The following CNGB1 variants were observed in gnomAD, a reference collection of about 807,000 sequenced individuals.
The protein encoded by CNGB1 is cyclic nucleotide-gated channel beta-1.
A neutral mutation model predicts 151.7 loss-of-function variants in CNGB1; 126 were observed. The ratio of observed to expected loss-of-function variants is 0.83; its 90% CI spans 0.72 to 0.96. CNGB1 has a LOEUF of 0.96. Among genes scored for constraint, CNGB1 ranks in the 40% least tolerant of loss-of-function variants. The pLI, the probability that CNGB1 is intolerant of heterozygous loss-of-function variation, is 0.00. For missense variants in CNGB1, 1,698 were observed against 1,627.0 expected (o/e 1.04, Z -0.75); for synonymous variants, 623 against 635.1 (o/e 0.98, Z 0.29).
chr16:57,958,573 A>G, intron 10 of CNGB1, 88 bp from the exon 11 acceptor site: 1 of 1,221,852 alleles, frequency 8.2e-7, no homozygotes, highest in Non-Finnish European at 1.2e-6. Context: ...AAGGCAGAAA[A>G]CAAGCCTGCC....
rs1322670171 is a variant in CNGB1, at chr16:57,967,502, T to A, written c.-8-208A>T. On this transcript the variant is annotated intron_variant, in intron 1 of 32. Coordinates refer to ENST00000251102, the MANE Select transcript of CNGB1 (RefSeq NM_001297.5). ...TGAATCCAGGAGTTTGAGATCAGCC[T>A]GGGCAAGACAGCGAGACCCTCGTCT... 6.9e-6 allele frequency: 4 copies of A among 576,024 alleles called. No homozygotes were observed. The East Asian group carries it at 1.2e-4, about 17-fold the overall frequency. The allele number at this position is 576,024 out of a possible 1,614,324, so 35.7% of individuals were successfully genotyped here.
Position 57,923,050 on chromosome 16 carries a change from G to A in CNGB1, c.1643+223C>T, listed in dbSNP as rs140493564. On this transcript the variant is annotated intron_variant, in intron 18 of 32. Transcript: ENST00000251102. ...CCTCCCTCTCTGAGCACTGCTGGCC[G>A]TGGACACAGCTGGGCCCAGAGGTTG... 1,553 of 429,038 alleles carry A rather than the reference G, an allele frequency of 3.6e-3. 28 individuals are homozygous for A. The highest frequency in any genetic ancestry group is 0.026 in the African/African-American group (1,304 of 49,318). The allele number at this position is 429,038 out of a possible 1,614,324, so 26.6% of individuals were successfully genotyped here.
At position 57,897,397 on chromosome 16, in the gene CNGB1, C is replaced by G; in HGVS notation, c.3242G>C (p.Arg1081Thr). 1 of 1,613,990 alleles carries G rather than the reference C, an allele frequency of 6.2e-7. No homozygotes were observed. The highest frequency in any genetic ancestry group is 8.5e-7 in the Non-Finnish European group (1 of 1,179,960). Residue 1081 changes from arginine (R) to threonine (T), a missense_variant and splice_region_variant, in exon 31 of 33, where the codon AGG becomes ACG. Transcript: ENST00000251102. ...ATTAAACGAAAGAAAAGTTACATACCTGGCTTTCTTCCGGAGTAACTTCTG... is the reference window on the plus strand; with the variant it reads ...ATTAAACGAAAGAAAAGTTACATACGTGGCTTTCTTCCGGAGTAACTTCTG... ...ESQKLLRKKA[R>T]RMLRSNNKPK...
intron 31 of CNGB1, among the ~76,000 whole-genome samples, chr16:57,889,293 G>A (rs1960023310): frequency 1.3e-5 from 2 of 152,232 alleles, no homozygotes; most frequent in Admixed American, 1.3e-4. Context: ...ACGAGCCACA[G>A]TGCCTGGCCT....
chr16:57,926,737 T>C lies in CNGB1; in HGVS notation c.1536-3357A>G, dbSNP rs146315522. 3.4e-4 allele frequency among the ~76,000 whole-genome samples: 52 copies of C among 152,246 alleles called. No individual in the cohort carries two copies. In the East Asian group the frequency reaches 9.7e-3, roughly 28 times the overall value. ...GCTTACACCCGTAATCCCAACACTT[T>C]GGGAGGCTGAGGCGGGCAGATCACT... On this transcript the variant is annotated intron_variant, in intron 17 of 32. Transcript: ENST00000251102.
intron 11 of CNGB1, among the ~76,000 whole-genome samples, chr16:57,957,766 G>C (rs1031158933): frequency 6.6e-6 from 1 of 152,216 alleles, no homozygotes; most frequent in Non-Finnish European, 1.5e-5. Context: ...CTGGGTATGA[G>C]AATGCAGGTA....
chr16:57,931,063 C>CA, intron 17 of CNGB1, among the ~76,000 whole-genome samples: 2 of 150,644 alleles, frequency 1.3e-5, no homozygotes, highest in East Asian at 3.9e-4. Flanking sequence ...AGCATCCTAT[C>CA]AAAAATGAAA....
intron 20 of CNGB1, among the ~76,000 whole-genome samples, chr16:57,917,951 T>C (rs1960922318): frequency 6.6e-6 from 1 of 152,046 alleles, no homozygotes; most frequent in South Asian, 2.1e-4. Flanking sequence ...TTTAATTTTT[T>C]CCCAAAATGT....
chr16:57,964,635 C>T, intron 2 of CNGB1, 91 bp from the exon 3 acceptor site: 4 of 1,288,270 alleles, frequency 3.1e-6, no homozygotes, highest in Admixed American at 1.7e-5. Context: ...GGGATCCCTG[C>T]CCCACAAAAG....
At chr16:57,953,993 G>A (rs1962025655) in intron 12 of CNGB1, among the ~76,000 whole-genome samples, 2 of 152,170 alleles carry the variant, frequency 1.3e-5, no homozygotes, top group South Asian at 4.1e-4. Flanking sequence ...CTTTGGAAGT[G>A]TCCCTGCTTT....
intron 25 of CNGB1, among the ~76,000 whole-genome samples, 199 bp from the exon 26 acceptor site, chr16:57,905,074 G>A (rs1027955429): frequency 7.9e-5 from 12 of 152,148 alleles, no homozygotes; most frequent in South Asian, 2.1e-4. Flanking sequence ...AAATGCTATC[G>A]GGTATGGTTG....
In CNGB1 at chr16:57,931,794, G is replaced by T. The variant is rs756675188; in HGVS notation, c.1457C>A (p.Pro486His). 5 of 1,614,002 alleles carry T rather than the reference G, an allele frequency of 3.1e-6. No individual in the cohort carries two copies. The highest frequency in any genetic ancestry group is 3.3e-4 in the Middle Eastern group (2 of 6,084). The change falls in exon 17 of 33, where the codon CCC (proline) becomes CAC (histidine). Residue 486 changes from proline to histidine, a missense_variant. Physicochemically the swap from Pro to His is moderately conservative, Grantham distance 77. Transcript: ENST00000251102. ...SCPLMAEENPPSTVLPPPSPA... is the reference protein window; with the variant it reads ...SCPLMAEENPHSTVLPPPSPA... ...AGACGGTGGCGGCAACACGGTTGAG[G>T]GTGGATTCTCTTCTGCCATGAGGGG...
chr16:57,913,069 A>G (rs434961), intron 23 of CNGB1, 75 bp from the exon 24 acceptor site: 791,999 of 1,432,922 alleles, frequency 0.55, 221,794 homozygotes, highest in African/African-American at 0.81. Context: ...ACGGGCGCCG[A>G]GACTCAGGGC....
At chr16:57,920,816 C>T (rs551448151) in intron 18 of CNGB1, among the ~76,000 whole-genome samples, 38 of 152,282 alleles carry the variant, frequency 2.5e-4, no homozygotes, top group African/African-American at 7.5e-4. Flanking sequence ...CTGGAAAAAG[C>T]GTGACTCCAC....
intron 14 of CNGB1, among the ~76,000 whole-genome samples, chr16:57,945,347 C>A (rs1414070732): frequency 6.6e-6 from 1 of 152,258 alleles, no homozygotes; most frequent in Non-Finnish European, 1.5e-5. Context: ...TGTCTCGGCT[C>A]TCTGCCTACA....
At chr16:57,885,469 C>T (rs1959890619) in intron 32 of CNGB1, among the ~76,000 whole-genome samples, 1 of 152,014 alleles carries the variant, frequency 6.6e-6, no homozygotes, top group Non-Finnish European at 1.5e-5. Context: ...GTCCACCCTA[C>T]ACTCTATTCT....
intron 25 of CNGB1, among the ~76,000 whole-genome samples, chr16:57,910,114 C>T (rs542072757): frequency 2.3e-4 from 35 of 152,334 alleles, no homozygotes; most frequent in Non-Finnish European, 4.7e-4. Flanking sequence ...CAAGGGCTTT[C>T]CCGAGTTACC....
At chr16:57,907,373 A>T (rs577435209) in intron 25 of CNGB1, among the ~76,000 whole-genome samples, 1 of 151,472 alleles carries the variant, frequency 6.6e-6, no homozygotes, top group East Asian at 1.9e-4. Context: ...ATATGCTCAA[A>T]TTTTAGCTCC....
chr16:57,891,676 C>G (rs1000651889), intron 31 of CNGB1, among the ~76,000 whole-genome samples: 1 of 152,088 alleles, frequency 6.6e-6, no homozygotes, highest in Admixed American at 6.6e-5. Flanking sequence ...CCTGCCTCAG[C>G]CTCCCGGGTA....
Sources: gnomAD v4.1 joint callset for allele counts (sites outside exome capture counted in the v4.1 genomes callset) on GRCh38, gnomAD v4.1.1 for gene constraint, MANE v1.5 for transcripts, NCBI Gene and HGNC (gene_info 2026-07-23, HGNC 2026-07-21) for gene names.